FRY: variants seen among roughly 807,000 people sequenced by gnomAD.
The protein encoded by FRY is protein furry homolog.
FRY carries 128 observed loss-of-function variants against 348.4 expected under a neutral mutation model. The ratio of observed to expected loss-of-function variants is 0.37; its 90% CI spans 0.32 to 0.43. The LOEUF is 0.43. Among genes scored for constraint, FRY ranks in the 20% least tolerant of loss-of-function variants. The pLI is 1.00. For synonymous variants in FRY, 1,370 were observed against 1,374.7 expected (o/e 1.00, Z 0.08); for missense variants, 2,736 against 3,695.2 (o/e 0.74, Z 6.73).
intron 2 of FRY, among the ~76,000 whole-genome samples, chr13:32,084,772 A>G (rs949468851): frequency 6.6e-6 from 1 of 152,032 alleles, no homozygotes; most frequent in Non-Finnish European, 1.5e-5. Flanking sequence ...TGTATTTTTT[A>G]TGGTGGTGGG....
chr13:32,142,255 A>G (rs1880120406), intron 11 of FRY, among the ~76,000 whole-genome samples: 1 of 152,232 alleles, frequency 6.6e-6, no homozygotes, highest in Non-Finnish European at 1.5e-5. Flanking sequence ...CACTGAGGCC[A>G]GATTGCCTAG....
At chr13:32,072,347 T>C (rs1286716528) in intron 1 of FRY, among the ~76,000 whole-genome samples, 1 of 152,224 alleles carries the variant, frequency 6.6e-6, no homozygotes, top group African/African-American at 2.4e-5. Flanking sequence ...TGATATTCTT[T>C]TCTTGGCCCA....
At chr13:32,191,259 A>C (rs1225512678) in intron 28 of FRY, among the ~76,000 whole-genome samples, 3 of 152,198 alleles carry the variant, frequency 2.0e-5, no homozygotes, top group Admixed American at 6.5e-5. Context: ...GGTTACAGTA[A>C]GATTTCTTGA....
At chr13:32,281,880 G>A (rs1461171291) in intron 58 of FRY, among the ~76,000 whole-genome samples, 1 of 152,170 alleles carries the variant, frequency 6.6e-6, no homozygotes, top group Admixed American at 6.5e-5. Flanking sequence ...CCTGGAAATA[G>A]TCTGGCCACT....
intron 29 of FRY, 30 bp from the exon 30 acceptor site, chr13:32,201,911 T>C (rs770618728): frequency 8.3e-7 from 1 of 1,201,242 alleles, no homozygotes; most frequent in Admixed American, 1.7e-5. Flanking sequence ...TAAACCATGC[T>C]TTTTTTGTTT....
At chr13:32,167,694 A>G (rs893904847) in intron 17 of FRY, among the ~76,000 whole-genome samples, 2 of 152,268 alleles carry the variant, frequency 1.3e-5, no homozygotes, top group Non-Finnish European at 2.9e-5. Context: ...AGTGTCTGCA[A>G]TTCCTGGTTA....
Position 32,209,695 on chromosome 13 carries a change from C to G in FRY, c.4386C>G (p.Leu1462=). ...TCACCTTGCAGTTCCTGATTAGCCT[C>G]TGTGGGGTCAGCAGCGACACAGTTC... ...LRITLQFLIS[L]CGVSSDTVLL... The change falls in exon 33 of 61, where the codon CTC becomes CTG. Residue 1462 remains leucine, a synonymous_variant. Coordinates refer to ENST00000542859, the MANE Select transcript of FRY (RefSeq NM_023037.3). 6.2e-7 allele frequency: 1 copy of G among 1,614,176 alleles called. No individual in the cohort carries two copies. The highest frequency in any genetic ancestry group is 8.5e-7 in the Non-Finnish European group (1 of 1,180,010).
rs1884522154 is a variant in FRY at position 32,209,029 on chromosome 13, C to G, written c.4195C>G (p.His1399Asp). 1 of 1,614,018 alleles carries G rather than the reference C, an allele frequency of 6.2e-7. No individual in the cohort carries two copies. The change falls in exon 32 of 61, where the codon CAC becomes GAC. Residue 1399 changes from histidine to aspartate, a missense_variant. Physicochemically the swap from His to Asp is moderately conservative, Grantham distance 81. Transcript: ENST00000542859. ...CCGGGAAGGTGACGTGACTGCTTCT[C>G]ACGGGCTGAGAGGAAATGGCTGGGG... is the stretch of plus-strand genomic sequence containing the variant. ...KDREGDVTAS[H>D]GLRGNGWGSP...
At chr13:32,088,614 T>C (rs1318927237) in intron 2 of FRY, among the ~76,000 whole-genome samples, 1 of 152,216 alleles carries the variant, frequency 6.6e-6, no homozygotes, top group African/African-American at 2.4e-5. Context: ...ACACATTTCT[T>C]CTGTGGCTCC....
At chr13:32,071,225 G>C (rs547074782) in intron 1 of FRY, among the ~76,000 whole-genome samples, 1 of 152,274 alleles carries the variant, frequency 6.6e-6, no homozygotes, top group African/African-American at 2.4e-5. Context: ...GAACTTTAAA[G>C]TAGTTTTTTC....
chr13:32,244,851 A>G lies in FRY; in HGVS notation c.6828+669A>G, dbSNP rs1468353378. Among the ~76,000 whole-genome samples, 4 of 152,232 alleles carry G rather than the reference A, an allele frequency of 2.6e-5. No homozygotes were observed. In the East Asian group the frequency reaches 7.7e-4, roughly 29 times the overall value. ...AGAGACTGGCTCCAAGATTTCAGTT[A>G]GTAAAGGCTGGAGCTGGTATTTGGA... is the stretch of plus-strand genomic sequence containing the variant. On this transcript the variant is annotated intron_variant, in intron 47 of 60. Transcript: ENST00000542859.
intron 1 of FRY, among the ~76,000 whole-genome samples, chr13:32,032,613 C>T (rs545569801): frequency 6.6e-6 from 1 of 152,228 alleles, no homozygotes; most frequent in South Asian, 2.1e-4. Context: ...AGGATTTTAG[C>T]AATACGCTAT....
At chr13:32,091,468 AATGAGATCTG>A (rs1431394038) in intron 2 of FRY, among the ~76,000 whole-genome samples, 1 of 152,226 alleles carries the variant, frequency 6.6e-6, no homozygotes, top group African/African-American at 2.4e-5. Context: ...AGTTGGCACA[AATGAGATCTG>A]ATGAGAAAAA....
intron 55 of FRY, among the ~76,000 whole-genome samples, chr13:32,272,485 A>T (rs1888252330): frequency 6.6e-6 from 1 of 152,196 alleles, no homozygotes; most frequent in African/African-American, 2.4e-5. Context: ...CAAGAAAACA[A>T]AACTGAATTT....
At chr13:32,179,503 T>TTGTGTGTGTG (rs10628771) in intron 22 of FRY, among the ~76,000 whole-genome samples, 172 bp from the exon 23 acceptor site, 5,401 of 137,542 alleles carry the variant, frequency 0.039, 126 homozygotes, top group East Asian at 0.047. Context: ...TGTATTAAAT[T>TTGTGTGTGTG]TGTGTGTGTG....
rs536961113 is a variant in FRY at position 32,238,068 on chromosome 13, AC to A, written c.6418+83del. 164 of 1,452,060 alleles carry A rather than the reference AC, an allele frequency of 1.1e-4. 1 individual carries two copies. In the African/African-American group the frequency reaches 2.0e-3, roughly 18 times the overall value. 89.9% of individuals were successfully genotyped at this position (1,452,060 alleles called of 1,614,324 possible). A position where few individuals can be genotyped will look rare whatever the true frequency, so the allele number is the denominator to read the frequency against. ...TGGTACAATAAGATAATATGAACTT[AC>A]TGCTTTTAACAATTCTGCTTAAAAA... On this transcript the variant is annotated intron_variant, in intron 44 of 60. Coordinates refer to ENST00000542859, the MANE Select transcript of FRY (RefSeq NM_023037.3).
chr13:32,151,456 C>G (rs2138147340), intron 14 of FRY, among the ~76,000 whole-genome samples: 1 of 152,344 alleles, frequency 6.6e-6, no homozygotes. Context: ...GGGAGGACAG[C>G]ATAGTCTGCG....
intron 14 of FRY, among the ~76,000 whole-genome samples, chr13:32,154,856 C>T (rs1222402935): frequency 6.6e-6 from 1 of 152,156 alleles, no homozygotes; most frequent in Non-Finnish European, 1.5e-5. Flanking sequence ...TCTTACTAAG[C>T]CATCTTTCAG....
intron 3 of FRY, among the ~76,000 whole-genome samples, chr13:32,108,818 C>G (rs1021213017): frequency 6.6e-6 from 1 of 152,180 alleles, no homozygotes; most frequent in Non-Finnish European, 1.5e-5. Context: ...GACTCAGAAT[C>G]AGATAACCCC....
Sources: allele counts gnomAD v4.1 joint callset (sites outside exome capture counted in the v4.1 genomes callset), GRCh38; gene constraint gnomAD v4.1.1; transcripts MANE v1.5; gene names NCBI Gene and HGNC (gene_info 2026-07-23, HGNC 2026-07-21).